Variants in SPDYE3 observed in about 807,000 individuals in gnomAD.
The protein encoded by SPDYE3 is speedy/RINGO cell cycle regulator family member E3, also known as speedy protein E3.
Under a neutral mutation model 55.0 loss-of-function variants are expected in SPDYE3, and 15 were observed. The observed-to-expected ratio is 0.27, with a 90% CI of 0.18 to 0.42. SPDYE3 has a LOEUF of 0.42. Ranked by LOEUF, SPDYE3 falls within the 10% of genes least tolerant of loss-of-function variation. SPDYE3 has a pLI of 1.00. For synonymous variants in SPDYE3, 89 were observed against 229.9 expected, an observed-to-expected ratio of 0.39 and a Z score of 5.55; for missense variants, 236 against 576.7, an observed-to-expected ratio of 0.41 and a Z score of 6.05.
At chr7:100,318,387 C>A (rs1260523064) in intron 8 of SPDYE3, among the ~76,000 whole-genome samples, 15 of 152,170 alleles carry the variant, frequency 9.9e-5, no homozygotes, top group Non-Finnish European at 1.5e-4. Context: ...TCTACAATCT[C>A]TACAACCACA....
chr7:100,321,207 C>A lies in SPDYE3; in HGVS notation c.*362C>A, dbSNP rs3991547. ...CGGAACCTGGAGGTCCTGTTTCTTA[C>A]GGACTTGGTTGCCACAGTCCAGGAG... On this transcript the variant is annotated 3_prime_UTR_variant, in exon 11 of 11. Transcript: ENST00000332397. The A allele has an allele frequency of 7.6e-4, 368 of 485,912 alleles. 3 individuals are homozygous for A. Among genetic ancestry groups the A allele is most frequent in the African/African-American group, 6.7e-3 (343 of 51,272 alleles). The allele number at this position is 485,912 out of a possible 1,614,324, so 30.1% of individuals were successfully genotyped here. A position where few individuals can be genotyped will look rare whatever the true frequency, so the allele number is the denominator to read the frequency against.
intron 1 of SPDYE3, among the ~76,000 whole-genome samples, chr7:100,308,317 T>G (rs1389979599): frequency 7.2e-5 from 8 of 111,640 alleles, no homozygotes; most frequent in East Asian, 2.5e-4. Context: ...GGTGAGAGAG[T>G]GAGACGCTGT....
Position 100,320,933 on chromosome 7 carries a change from T to C in SPDYE3, c.*88T>C. ...AGATGTGGATTTTCAGCAGGAACTT[T>C]ATTCCAGTGCTAATGGCAGACATCA... On this transcript the variant is annotated 3_prime_UTR_variant, in exon 11 of 11. Transcript: ENST00000332397. 1 of 1,232,832 alleles carries C rather than the reference T, an allele frequency of 8.1e-7. No homozygotes were observed. The highest frequency in any genetic ancestry group is 1.1e-6 in the Non-Finnish European group (1 of 914,076). 76.4% of individuals were successfully genotyped at this position (1,232,832 alleles called of 1,614,324 possible).
At chr7:100,320,229 G>A (rs1789548099) in intron 10 of SPDYE3, 194 bp downstream of exon 10, 6 of 1,271,072 alleles carry the variant, frequency 4.7e-6, no homozygotes, top group Admixed American at 5.5e-5. Context: ...GAGGCAGGAG[G>A]ATCGCTGGAG....
chr7:100,320,767 C>T (rs1789563946), intron 10 of SPDYE3, 124 bp from the exon 11 acceptor site: 1 of 1,096,116 alleles, frequency 9.1e-7, no homozygotes, highest in Non-Finnish European at 1.2e-6. Context: ...GAATGAAAGG[C>T]AGGAGATAAA....
At position 100,321,719 on chromosome 7, in the gene SPDYE3, G is replaced by A. The variant is rs1789583657; in HGVS notation, c.*874G>A. On this transcript the variant is annotated 3_prime_UTR_variant, in exon 11 of 11. Coordinates refer to ENST00000332397, the MANE Select transcript of SPDYE3 (RefSeq NM_001004351.5). Reference sequence around the variant, plus strand: ...AGAATTCAGTTGTGATTTTTAACATGTCTTAGATATATATACTAACATGTC... The same window carrying A: ...AGAATTCAGTTGTGATTTTTAACATATCTTAGATATATATACTAACATGTC... 3 of 150,890 alleles carry A rather than the reference G, an allele frequency of 2.0e-5. No individual in the cohort carries two copies. Among genetic ancestry groups the A allele is most frequent in the African/African-American group, 7.3e-5 (3 of 41,232 alleles). 9.3% of individuals were successfully genotyped at this position (150,890 alleles called of 1,614,324 possible). A position where few individuals can be genotyped will look rare whatever the true frequency, so the allele number is the denominator to read the frequency against.
In SPDYE3 at chr7:100,322,116, T is replaced by C. The variant is rs1789592457; in HGVS notation, c.*1271T>C. 1 of 152,058 alleles carries C rather than the reference T, an allele frequency of 6.6e-6. No individual in the cohort carries two copies. The highest frequency in any genetic ancestry group is 2.1e-4 in the South Asian group (1 of 4,836). 9.4% of individuals were successfully genotyped at this position (152,058 alleles called of 1,614,324 possible). A position where few individuals can be genotyped will look rare whatever the true frequency, so the allele number is the denominator to read the frequency against. On this transcript the variant is annotated 3_prime_UTR_variant, in exon 11 of 11. Transcript: ENST00000332397. ...GAGCAGACTTTTTATCTATGATACT[T>C]AGTTAATGTATATATTACATTTATA...
At chr7:100,320,834 C>A (rs1563095856) in intron 10 of SPDYE3, 57 bp from the exon 11 acceptor site, 1 of 1,144,540 alleles carries the variant, frequency 8.7e-7, no homozygotes, top group African/African-American at 1.6e-5. Context: ...ACGTGAATAA[C>A]CTTCCTGTCT....
chr7:100,320,795 C>T, intron 10 of SPDYE3, 96 bp from the exon 11 acceptor site: 1 of 1,077,462 alleles, frequency 9.3e-7, no homozygotes, highest in Non-Finnish European at 1.2e-6. Context: ...TTCTCAATTG[C>T]TCTGAACTCT....
At chr7:100,318,209 A>G (rs1358493402) in intron 8 of SPDYE3, among the ~76,000 whole-genome samples, 1 of 152,034 alleles carries the variant, frequency 6.6e-6, no homozygotes, top group East Asian at 1.9e-4. Flanking sequence ...TCCACTGTCA[A>G]ATGCTCCCTG....
rs1273422722 is a variant in SPDYE3 at position 100,322,103 on chromosome 7, T to TA, written c.*1259dup. 2.0e-5 allele frequency: 3 copies of TA among 152,096 alleles called. No individual in the cohort carries two copies. Among genetic ancestry groups the TA allele is most frequent in the African/African-American group, 4.8e-5 (2 of 41,444 alleles). 9.4% of individuals were successfully genotyped at this position (152,096 alleles called of 1,614,324 possible). A position where few individuals can be genotyped will look rare whatever the true frequency, so the allele number is the denominator to read the frequency against. The stretch of plus-strand genomic sequence containing the variant: ...ATGCTGCTGAAGGGAGCAGACTTTT[T>TA]ATCTATGATACTTAGTTAATGTATA... On this transcript the variant is annotated 3_prime_UTR_variant, in exon 11 of 11. Coordinates refer to ENST00000332397, the MANE Select transcript of SPDYE3 (RefSeq NM_001004351.5).
At position 100,314,565 on chromosome 7, in the gene SPDYE3, C is replaced by T. The variant is rs1440680293; in HGVS notation, c.1016C>T (p.Ser339Phe). ...PGVDPSPPRRSLGCKRKRECL... is the reference protein window; with the variant it reads ...PGVDPSPPRRFLGCKRKRECL... ...GTAGATCCCAGCCCCCCGCGTAGGTCCCTTGGCTGCAAAAGGAAGAGGGAG... is the reference window on the plus strand; with the variant it reads ...GTAGATCCCAGCCCCCCGCGTAGGTTCCTTGGCTGCAAAAGGAAGAGGGAG... The change falls in exon 6 of 11, where the codon TCC becomes TTC. Residue 339 changes from serine (S) to phenylalanine (F), a missense_variant. Ser to Phe is a radical substitution (Grantham distance 155). Coordinates refer to ENST00000332397, the MANE Select transcript of SPDYE3 (RefSeq NM_001004351.5). 1 of 1,393,040 alleles carries T rather than the reference C, an allele frequency of 7.2e-7. No individual in the cohort carries two copies. The highest frequency in any genetic ancestry group is 2.6e-4 in the Middle Eastern group (1 of 3,898). The allele number at this position is 1,393,040 out of a possible 1,614,324, so 86.3% of individuals were successfully genotyped here. A position where few individuals can be genotyped will look rare whatever the true frequency, so the allele number is the denominator to read the frequency against.
intron 10 of SPDYE3, chr7:100,320,504 T>C (rs1789558618): frequency 1.0e-6 from 1 of 970,142 alleles, no homozygotes; most frequent in Non-Finnish European, 1.3e-6. Context: ...ACTCGTGGTT[T>C]GTGATGTTGT....
In SPDYE3 at chr7:100,309,007, C is replaced by G; in HGVS notation, c.140C>G (p.Ser47Cys). ...PGVDPSPPRR[S>C]LGCKRKRECL... The stretch of plus-strand genomic sequence containing the variant: ...GTAGATCCCAGCCCCCCACGTAGGT[C>G]CCTTGGCTGCAAAAGGAAGAGGGAG... The change falls in exon 2 of 11, where the codon TCC (serine) becomes TGC (cysteine). Residue 47 changes from serine (S) to cysteine (C), a missense_variant. Transcript: ENST00000332397. The G allele has an allele frequency of 1.7e-6, 1 of 579,790 alleles. No individual in the cohort carries two copies. Among genetic ancestry groups the G allele is most frequent in the Non-Finnish European group, 2.9e-6 (1 of 340,484 alleles). 35.9% of individuals were successfully genotyped at this position (579,790 alleles called of 1,614,324 possible). A position where few individuals can be genotyped will look rare whatever the true frequency, so the allele number is the denominator to read the frequency against.
At chr7:100,316,848 T>A (rs1806116407) in intron 7 of SPDYE3, among the ~76,000 whole-genome samples, 1 of 152,104 alleles carries the variant, frequency 6.6e-6, no homozygotes, top group African/African-American at 2.4e-5. Context: ...GAGCCCACCA[T>A]CCTGGGAGCA....
intron 7 of SPDYE3, among the ~76,000 whole-genome samples, chr7:100,316,171 A>G (rs1272428260): frequency 6.6e-6 from 1 of 152,086 alleles, no homozygotes; most frequent in Non-Finnish European, 1.5e-5. Context: ...GGGTTTTGCC[A>G]TGTTGGCCAG....
Position 100,320,035 on chromosome 7 carries a change from G to A in SPDYE3, c.*45G>A. The A allele has an allele frequency of 1.2e-6, 2 of 1,604,064 alleles. No homozygotes were observed. The highest frequency in any genetic ancestry group is 8.5e-7 in the Non-Finnish European group (1 of 1,179,434). On this transcript the variant is annotated splice_region_variant and 3_prime_UTR_variant, in exon 10 of 11. Coordinates refer to ENST00000332397, the MANE Select transcript of SPDYE3 (RefSeq NM_001004351.5). ...GCCTGAGGTCATCGGCCTGAGAGAA[G>A]GTACATCTGCATCCTCCGGGGTAAA...
intron 6 of SPDYE3, among the ~76,000 whole-genome samples, chr7:100,315,214 G>A (rs1806071431): frequency 6.6e-6 from 1 of 152,156 alleles, no homozygotes; most frequent in South Asian, 2.1e-4. Flanking sequence ...AGGAGGCAGA[G>A]GTTGCAGTGA....
At chr7:100,315,736 T>G in intron 6 of SPDYE3, 49 bp from the exon 7 acceptor site, 1 of 1,597,582 alleles carries the variant, frequency 6.3e-7, no homozygotes, top group Non-Finnish European at 8.5e-7. Flanking sequence ...GCTGCTCCCA[T>G]GGAAACCCTG....
Sources: gnomAD v4.1 joint callset for allele counts (sites outside exome capture counted in the v4.1 genomes callset) on GRCh38, gnomAD v4.1.1 for gene constraint, MANE v1.5 for transcripts, NCBI Gene and HGNC (gene_info 2026-07-23, HGNC 2026-07-21) for gene names.